Variants in STX7 observed in about 807,000 individuals in gnomAD.
STX7 encodes the protein syntaxin 7.
In STX7, 34 loss-of-function variants were observed where a neutral mutation model predicts 39.6. That is an observed-to-expected ratio of 0.86 (90% CI 0.65 to 1.14). The LOEUF is 1.14. Among genes scored for constraint, STX7 ranks in the 50% most tolerant of loss-of-function variants. STX7 has a pLI of 0.00. For synonymous variants in STX7, 119 were observed against 99.1 expected, an observed-to-expected ratio of 1.20 and a Z score of -1.19; for missense variants, 284 against 310.4, an observed-to-expected ratio of 0.92 and a Z score of 0.64.
At chr6:132,479,330 A>G (rs1774957222) in intron 2 of STX7, among the ~76,000 whole-genome samples, 1 of 152,184 alleles carries the variant, frequency 6.6e-6, no homozygotes, top group African/African-American at 2.4e-5. Context: ...AGCTGATGCA[A>G]TGGTACATCA....
In STX7 at chr6:132,505,668, G is replaced by A. The variant is rs1775679850; in HGVS notation, c.-58-2080C>T. On this transcript the variant is annotated intron_variant, in intron 1 of 9. Transcript: ENST00000367941. ...CAGACAGAACAAGAGTAGACATGGG[G>A]ATTCAATGACACCAACACCATCCGG... 2.8e-5 allele frequency among the ~76,000 whole-genome samples: 4 copies of A among 143,688 alleles called. No individual in the cohort carries two copies. The South Asian group carries it at 9.4e-4, about 34-fold the overall frequency. The allele number at this position is 143,688 out of a possible 152,430, so 94.3% of individuals were successfully genotyped here.
At chr6:132,474,118 C>T (rs1047205170) in intron 3 of STX7, among the ~76,000 whole-genome samples, 8 of 148,872 alleles carry the variant, frequency 5.4e-5, no homozygotes, top group African/African-American at 1.7e-4. Flanking sequence ...TTCCCAGCTA[C>T]ACAGTAGGCT....
At chr6:132,512,595 A>G (rs969840082) in intron 1 of STX7, among the ~76,000 whole-genome samples, 1 of 152,194 alleles carries the variant, frequency 6.6e-6, no homozygotes, top group African/African-American at 2.4e-5. Flanking sequence ...GTGTTTTTCA[A>G]TCCGTGAGTT....
chr6:132,483,455 C>T (rs9483460), intron 2 of STX7, among the ~76,000 whole-genome samples: 40,859 of 151,994 alleles, frequency 0.27, 6,285 homozygotes, highest in East Asian at 0.65. Flanking sequence ...TTAACAATGT[C>T]ACAAAATTTC....
intron 2 of STX7, among the ~76,000 whole-genome samples, chr6:132,482,316 A>T (rs1209337694): frequency 6.6e-6 from 1 of 152,084 alleles, no homozygotes; most frequent in Non-Finnish European, 1.5e-5. Flanking sequence ...CTTTAAATTG[A>T]GCAGGTCTAC....
chr6:132,470,696 C>T lies in STX7; in HGVS notation c.388-70G>A, dbSNP rs1774692052. 7.5e-6 allele frequency: 8 copies of T among 1,064,112 alleles called. No homozygotes were observed. In the South Asian group the frequency reaches 1.1e-4, roughly 14 times the overall value. 65.9% of individuals were successfully genotyped at this position (1,064,112 alleles called of 1,614,324 possible). On this transcript the variant is annotated intron_variant, in intron 5 of 9. Transcript: ENST00000367941. ...GCAAAAATGAGAAAAAATAAACACT[C>T]ATATTTTCCCTTATAATAAACTAAA...
intron 2 of STX7, among the ~76,000 whole-genome samples, chr6:132,498,994 A>G (rs939685903): frequency 3.3e-5 from 5 of 152,104 alleles, no homozygotes; most frequent in Non-Finnish European, 7.3e-5. Context: ...CTATCTGATG[A>G]CCTTGCTTCC....
At chr6:132,488,045 T>G (rs978488976) in intron 2 of STX7, among the ~76,000 whole-genome samples, 2 of 152,208 alleles carry the variant, frequency 1.3e-5, no homozygotes, top group South Asian at 4.1e-4. Context: ...CCTTAAGTAC[T>G]GAGTTAATAC....
intron 2 of STX7, among the ~76,000 whole-genome samples, chr6:132,478,468 C>G (rs148089891): frequency 2.4e-4 from 36 of 152,180 alleles, no homozygotes; most frequent in Non-Finnish European, 3.7e-4. Flanking sequence ...AGTAAGGGCT[C>G]TTATGGAAGG....
At chr6:132,505,896 A>G (rs1484012526) in intron 1 of STX7, among the ~76,000 whole-genome samples, 4 of 152,192 alleles carry the variant, frequency 2.6e-5, no homozygotes, top group African/African-American at 9.7e-5. Flanking sequence ...AAACAGACAC[A>G]TAGAACAATG....
rs1774114086 is a variant in STX7, at chr6:132,450,407, T to C, written c.*10351A>G. On this transcript the variant is annotated 3_prime_UTR_variant, in exon 10 of 10. Coordinates refer to ENST00000367941, the MANE Select transcript of STX7 (RefSeq NM_003569.3). The stretch of plus-strand genomic sequence containing the variant: ...TAAAATCTATGTTTGGTTATTTATC[T>C]GTACTTTCATTCCTAAATTTTTTAT... 1 of 152,214 alleles carries C rather than the reference T, an allele frequency of 6.6e-6. No individual in the cohort carries two copies. The highest frequency in any genetic ancestry group is 6.5e-5 in the Admixed American group (1 of 15,282). 9.4% of individuals were successfully genotyped at this position (152,214 alleles called of 1,614,324 possible). A position where few individuals can be genotyped will look rare whatever the true frequency, so the allele number is the denominator to read the frequency against.
chr6:132,481,677 A>T lies in STX7; in HGVS notation c.86-6015T>A, dbSNP rs183934722. Among the ~76,000 whole-genome samples the T allele has an allele frequency of 7.0e-3, 1,073 of 152,298 alleles. 7 individuals carry two copies. The highest frequency in any genetic ancestry group is 0.012 in the Non-Finnish European group (798 of 68,006). On this transcript the variant is annotated intron_variant, in intron 2 of 9. Transcript: ENST00000367941. ...ATTTAACTAATGAGAGCTTCTCATG[A>T]ACAGAAATGGAAGACAAGGCCCCCT...
intron 9 of STX7, 61 bp downstream of exon 9, chr6:132,463,928 CACAA>C: frequency 2.0e-6 from 3 of 1,488,122 alleles, no homozygotes; most frequent in Non-Finnish European, 2.8e-6. Context: ...GCTTCCTCAA[CACAA>C]ACACACACAC....
chr6:132,498,622 T>C (rs958336133), intron 2 of STX7, among the ~76,000 whole-genome samples: 6 of 152,230 alleles, frequency 3.9e-5, no homozygotes, highest in Non-Finnish European at 8.8e-5. Context: ...ATAATTGTAC[T>C]GACACAATTT....
Position 132,450,516 on chromosome 6 carries a change from C to T in STX7, c.*10242G>A, listed in dbSNP as rs1774116034. On this transcript the variant is annotated 3_prime_UTR_variant, in exon 10 of 10. Coordinates refer to ENST00000367941, the MANE Select transcript of STX7 (RefSeq NM_003569.3). ...GAGACCAACTTTTGTTTAAATTGAT[C>T]CTCTCAAAAAAAAAAAAATTGATAC... The T allele has an allele frequency of 7.5e-6, 1 of 133,190 alleles. No individual in the cohort carries two copies. The highest frequency in any genetic ancestry group is 2.7e-5 in the African/African-American group (1 of 37,656). 8.3% of individuals were successfully genotyped at this position (133,190 alleles called of 1,614,324 possible). A position where few individuals can be genotyped will look rare whatever the true frequency, so the allele number is the denominator to read the frequency against.
intron 1 of STX7, among the ~76,000 whole-genome samples, chr6:132,506,064 C>T (rs1258990435): frequency 2.7e-5 from 4 of 149,142 alleles, no homozygotes; most frequent in Non-Finnish European, 5.9e-5. Flanking sequence ...AAACTGGACC[C>T]TTATCTGTCA....
In STX7 at chr6:132,502,203, T is replaced by G. The variant is rs189317125; in HGVS notation, c.85+1243A>C. Among the ~76,000 whole-genome samples the G allele has an allele frequency of 8.1e-4, 123 of 152,320 alleles. No individual in the cohort carries two copies. The East Asian group carries it at 0.019, about 23-fold the overall frequency. On this transcript the variant is annotated intron_variant, in intron 2 of 9. Transcript: ENST00000367941. Reference sequence around the variant, plus strand: ...CACACTAGCATCTCATTTAAATAATTCAGGTAGAGGAACAGCTGTTGAGGA... The same window carrying G: ...CACACTAGCATCTCATTTAAATAATGCAGGTAGAGGAACAGCTGTTGAGGA...
chr6:132,489,693 A>C (rs534740829), intron 2 of STX7, among the ~76,000 whole-genome samples: 6 of 152,332 alleles, frequency 3.9e-5, no homozygotes, highest in African/African-American at 1.4e-4. Flanking sequence ...CGCAAGGCCC[A>C]ACTACACTGG....
At position 132,513,031 on chromosome 6, in the gene STX7, C is replaced by G. The variant is rs1158995420; in HGVS notation, c.-83G>C. ...CCTGGACCTCCACGGCTCCCTCCTA[C>G]ACCTCCGACCGCCGTCACCCACCTA... On this transcript the variant is annotated 5_prime_UTR_variant, in exon 1 of 10. Coordinates refer to ENST00000367941, the MANE Select transcript of STX7 (RefSeq NM_003569.3). The G allele has an allele frequency of 1.3e-5, 2 of 152,330 alleles. No homozygotes were observed. Among genetic ancestry groups the G allele is most frequent in the African/African-American group, 2.4e-5 (1 of 41,478 alleles). 9.4% of individuals were successfully genotyped at this position (152,330 alleles called of 1,614,324 possible). A position where few individuals can be genotyped will look rare whatever the true frequency, so the allele number is the denominator to read the frequency against.
Sources: gnomAD v4.1 joint callset for allele counts (sites outside exome capture counted in the v4.1 genomes callset) on GRCh38, gnomAD v4.1.1 for gene constraint, MANE v1.5 for transcripts, NCBI Gene and HGNC (gene_info 2026-07-23, HGNC 2026-07-21) for gene names.